Variants in TWF2 observed in about 807,000 individuals in gnomAD.
TWF2 encodes the protein twinfilin-2.
Under a neutral mutation model 45.1 loss-of-function variants are expected in TWF2, and 15 were observed. The observed-to-expected ratio is 0.33, with a 90% CI of 0.22 to 0.51. The LOEUF (loss-of-function observed/expected upper bound fraction) is 0.51, where lower values mean the gene tolerates loss of function less well. Among genes scored for constraint, TWF2 ranks in the 20% least tolerant of loss-of-function variants. TWF2 has a pLI of 0.97. For synonymous variants in TWF2, 177 were observed against 195.8 expected (o/e 0.90, Z 0.80); for missense variants, 423 against 469.1 (o/e 0.90, Z 0.91).
intron 2 of TWF2, among the ~76,000 whole-genome samples, chr3:52,233,386 C>T (rs1699696786): frequency 6.6e-6 from 1 of 152,208 alleles, no homozygotes; most frequent in Non-Finnish European, 1.5e-5. Context: ...TGTGTTGGCC[C>T]CTACAGCACT....
In TWF2 at chr3:52,229,901, C is replaced by A. The variant is rs1336924917; in HGVS notation, c.760+19G>T. On this transcript the variant is annotated intron_variant, in intron 7 of 8. Coordinates refer to ENST00000305533, the MANE Select transcript of TWF2 (RefSeq NM_007284.4). ...TCCCACCCAGCCACAGGCTTGGGAG[C>A]CCTGCCATGGCCACTCACCTACAGA... 6.2e-7 allele frequency: 1 copy of A among 1,600,002 alleles called. No individual in the cohort carries two copies.
rs773503382 is a variant in TWF2 at position 52,230,073 on chromosome 3, G to A, written c.610-3C>T. 3 of 1,579,824 alleles carry A rather than the reference G, an allele frequency of 1.9e-6. No homozygotes were observed. The highest frequency in any genetic ancestry group is 1.3e-5 in the African/African-American group (1 of 74,760). On this transcript the variant is annotated splice_polypyrimidine_tract_variant and splice_region_variant and intron_variant, in intron 6 of 8. Transcript: ENST00000305533. Reference sequence around the variant, plus strand: ...GTTTCCCGCTCTAGGTCCAGCTTCTGCCCAGGGCCAAGGGAAGATGGGAGA... The same window carrying A: ...GTTTCCCGCTCTAGGTCCAGCTTCTACCCAGGGCCAAGGGAAGATGGGAGA...
intron 2 of TWF2, among the ~76,000 whole-genome samples, chr3:52,233,837 C>G (rs1198242130): frequency 2.0e-5 from 3 of 150,812 alleles, no homozygotes; most frequent in African/African-American, 7.3e-5. Flanking sequence ...TGGCGTGAAC[C>G]CGGGAGGCGG....
chr3:52,228,960 G>A lies in TWF2; in HGVS notation c.*74C>T, dbSNP rs1395418906. 9.7e-6 allele frequency: 15 copies of A among 1,552,570 alleles called. No individual in the cohort carries two copies. Among genetic ancestry groups the A allele is most frequent in the Non-Finnish European group, 1.3e-5 (15 of 1,147,746 alleles). On this transcript the variant is annotated 3_prime_UTR_variant, in exon 9 of 9. Coordinates refer to ENST00000305533, the MANE Select transcript of TWF2 (RefSeq NM_007284.4). ...CCAGAAACACTTTCCTGGAGCCCAGGAAGGAGGATGGTGGCAGGGAGCGGA... is the reference window on the plus strand; with the variant it reads ...CCAGAAACACTTTCCTGGAGCCCAGAAAGGAGGATGGTGGCAGGGAGCGGA...
At chr3:52,234,232 C>T (rs1200725381) in intron 2 of TWF2, among the ~76,000 whole-genome samples, 1 of 152,180 alleles carries the variant, frequency 6.6e-6, no homozygotes, top group Admixed American at 6.5e-5. Context: ...AAAGTGCCTG[C>T]TGCTGAATGG....
chr3:52,239,051 C>A lies in TWF2; in HGVS notation c.-35G>T, dbSNP rs767163829. ...CTTCGCTCCGTCCGCGCCGTCGGAGCCCTCCGCTTGACCCTGGCCCGGCAA... is the reference window on the plus strand; with the variant it reads ...CTTCGCTCCGTCCGCGCCGTCGGAGACCTCCGCTTGACCCTGGCCCGGCAA... On this transcript the variant is annotated 5_prime_UTR_variant, in exon 1 of 9. Coordinates refer to ENST00000305533, the MANE Select transcript of TWF2 (RefSeq NM_007284.4). The A allele has an allele frequency of 6.3e-7, 1 of 1,592,144 alleles. No homozygotes were observed. The highest frequency in any genetic ancestry group is 2.2e-5 in the East Asian group (1 of 44,564).
chr3:52,231,949 A>G lies in TWF2; in HGVS notation c.277T>C (p.Ser93Pro), dbSNP rs1349782135. Reference sequence around the variant, plus strand: ...CCCACTGGCCCAGGACTCACGGGGGAGTTATCAGGCGACCAGGCGAGGAAG... The same window carrying G: ...CCCACTGGCCCAGGACTCACGGGGGGGTTATCAGGCGACCAGGCGAGGAAG... ...WLFLAWSPDN[S>P]PVRLKMLYAA... The change falls in exon 3 of 9, where the codon TCC (serine) becomes CCC (proline). Residue 93 changes from serine to proline, a missense_variant. By Grantham distance (74) the Ser-to-Pro change is moderately conservative. Coordinates refer to ENST00000305533, the MANE Select transcript of TWF2 (RefSeq NM_007284.4). The G allele has an allele frequency of 6.2e-7, 1 of 1,612,014 alleles. No homozygotes were observed. The highest frequency in any genetic ancestry group is 1.1e-5 in the South Asian group (1 of 90,846).
rs1699648048 is a variant in TWF2, at chr3:52,228,675, C to CCCTG, written c.*355_*358dup. On this transcript the variant is annotated 3_prime_UTR_variant, in exon 9 of 9. Coordinates refer to ENST00000305533, the MANE Select transcript of TWF2 (RefSeq NM_007284.4). ...TTCAACCATCCCAAACTGCAGTGAC[C>CCCTG]CCTGCCCCAGCCCTGACTGACCCCA... 3.6e-6 allele frequency: 1 copy of CCCTG among 279,302 alleles called. No individual in the cohort carries two copies. The highest frequency in any genetic ancestry group is 2.2e-5 in the African/African-American group (1 of 45,398). 17.3% of individuals were successfully genotyped at this position (279,302 alleles called of 1,614,324 possible).
rs967660103 is a variant in TWF2, at chr3:52,239,078, G to A, written c.-62C>T. ...CTCCGCTTGACCCTGGCCCGGCAAC[G>A]CTCGCTGGACCAAGAGAGGTGGAGG... On this transcript the variant is annotated 5_prime_UTR_variant, in exon 1 of 9. Coordinates refer to ENST00000305533, the MANE Select transcript of TWF2 (RefSeq NM_007284.4). 1.2e-5 allele frequency: 19 copies of A among 1,570,642 alleles called. No individual in the cohort carries two copies. The highest frequency in any genetic ancestry group is 1.7e-5 in the Admixed American group (1 of 57,494).
chr3:52,238,123 A>AGGGCTGG (rs1699744148), intron 1 of TWF2, among the ~76,000 whole-genome samples: 1 of 152,066 alleles, frequency 6.6e-6, no homozygotes, highest in Admixed American at 6.5e-5. Context: ...GAAGCTTCCT[A>AGGGCTGG]GGGCTGGGGG....
chr3:52,231,074 T>A, intron 5 of TWF2, 53 bp downstream of exon 5: 1 of 1,611,792 alleles, frequency 6.2e-7, no homozygotes, highest in South Asian at 1.1e-5. Flanking sequence ...AGGCTGCCAC[T>A]GGGCCGATAT....
intron 3 of TWF2, 100 bp downstream of exon 3, chr3:52,231,844 G>T: frequency 1.3e-6 from 2 of 1,502,790 alleles, no homozygotes; most frequent in South Asian, 2.6e-5. Flanking sequence ...CCACCCTCCA[G>T]GGGCAGGCCT....
intron 4 of TWF2, 26 bp downstream of exon 4, chr3:52,231,418 C>T: frequency 6.2e-7 from 1 of 1,609,730 alleles, no homozygotes. Flanking sequence ...AGGATTGTGT[C>T]CCGGTAAGTC....
In TWF2 at chr3:52,231,238, G is replaced by A. The variant is rs1435796129; in HGVS notation, c.379-7C>T. Reference sequence around the variant, plus strand: ...CAGCAAAAGAGAGGTCATCCTGCAGGGGTGGGGGTGAATGCAGAGCCATAA... The same window carrying A: ...CAGCAAAAGAGAGGTCATCCTGCAGAGGTGGGGGTGAATGCAGAGCCATAA... On this transcript the variant is annotated splice_polypyrimidine_tract_variant and splice_region_variant and intron_variant, in intron 4 of 8. Transcript: ENST00000305533. 5.6e-6 allele frequency: 9 copies of A among 1,613,888 alleles called. No individual in the cohort carries two copies. Among genetic ancestry groups the A allele is most frequent in the Non-Finnish European group, 7.6e-6 (9 of 1,179,908 alleles).
rs370941749 is a variant in TWF2 at position 52,229,655 on chromosome 3, G to A, written c.882+6C>T. 3.0e-5 allele frequency: 48 copies of A among 1,612,994 alleles called. No homozygotes were observed. The African/African-American group carries it at 4.4e-4, about 15-fold the overall frequency. ...GGGGAGGTGAGGCCCTGGGGAGGGC[G>A]CCTACTTTCTTGGCGATCTCCAGAT... On this transcript the variant is annotated splice_donor_region_variant and intron_variant, in intron 8 of 8. Coordinates refer to ENST00000305533, the MANE Select transcript of TWF2 (RefSeq NM_007284.4).
intron 1 of TWF2, 62 bp downstream of exon 1, chr3:52,238,930 G>GGC: frequency 2.2e-6 from 3 of 1,387,706 alleles, no homozygotes; most frequent in Non-Finnish European, 2.8e-6. Context: ...GCCGAGAGCC[G>GGC]GGGGGGGGCG....
intron 8 of TWF2, 123 bp from the exon 9 acceptor site, chr3:52,229,324 T>C: frequency 7.6e-7 from 1 of 1,311,414 alleles, no homozygotes; most frequent in Admixed American, 2.7e-5. Context: ...TCCTGAGGTC[T>C]CCCCTTGATT....
intron 1 of TWF2, among the ~76,000 whole-genome samples, chr3:52,236,680 C>A (rs1027662921): frequency 2.0e-5 from 3 of 152,172 alleles, no homozygotes; most frequent in Non-Finnish European, 4.4e-5. Flanking sequence ...CCCCCCTTTG[C>A]AGAGTGACCG....
intron 3 of TWF2, among the ~76,000 whole-genome samples, 178 bp from the exon 4 acceptor site, chr3:52,231,717 C>T (rs577216329): frequency 4.8e-4 from 73 of 152,342 alleles, no homozygotes; most frequent in African/African-American, 1.6e-3. Context: ...CTCGTCCAGC[C>T]TGATCACAGC....
Sources: gnomAD v4.1 joint callset for allele counts (sites outside exome capture counted in the v4.1 genomes callset) on GRCh38, gnomAD v4.1.1 for gene constraint, MANE v1.5 for transcripts, NCBI Gene and HGNC (gene_info 2026-07-23, HGNC 2026-07-21) for gene names.